The following ADK variants were observed in gnomAD, a reference collection of about 807,000 sequenced individuals.
The protein encoded by ADK is adenosine kinase.
A neutral mutation model predicts 44.7 loss-of-function variants in ADK; 24 were observed. The ratio of observed to expected loss-of-function variants is 0.54; its 90% confidence interval spans 0.39 to 0.76. The LOEUF (loss-of-function observed/expected upper bound fraction) is 0.76, where lower values mean the gene tolerates loss of function less well. Among genes scored for constraint, ADK ranks in the 30% least tolerant of loss-of-function variants. The pLI is 0.00. For synonymous variants in ADK, 128 were observed against 142.6 expected, an observed-to-expected ratio of 0.90 and a Z score of 0.73; for missense variants, 321 against 425.1, an observed-to-expected ratio of 0.76 and a Z score of 2.15.
intron 9 of ADK, among the ~76,000 whole-genome samples, chr10:74,638,438 A>AATC (rs1273598494): frequency 6.6e-6 from 1 of 152,072 alleles, no homozygotes; most frequent in Non-Finnish European, 1.5e-5. Flanking sequence ...AAGGCTGGAG[A>AATC]ATCACTTGAG....
chr10:74,574,316 G>A (rs1037501394), intron 7 of ADK, among the ~76,000 whole-genome samples: 6 of 151,630 alleles, frequency 4.0e-5, no homozygotes, highest in African/African-American at 4.8e-5. Flanking sequence ...GACTACAGGC[G>A]CATGCCACCA....
intron 6 of ADK, among the ~76,000 whole-genome samples, chr10:74,512,605 T>G (rs535402927): frequency 6.6e-6 from 1 of 152,058 alleles, no homozygotes; most frequent in South Asian, 2.1e-4. Context: ...TTTGTATTTC[T>G]GTAGTATCTT....
intron 6 of ADK, among the ~76,000 whole-genome samples, chr10:74,437,691 C>T (rs1845233536): frequency 6.6e-6 from 1 of 152,186 alleles, no homozygotes. Flanking sequence ...AACCATTCTC[C>T]ACAGAATAGC....
chr10:74,655,700 GC>G (rs1394715192), intron 9 of ADK: 2 of 478,346 alleles, frequency 4.2e-6, no homozygotes, highest in South Asian at 3.4e-5. Context: ...TGGCAGAGCT[GC>G]CCAGGGAGCT....
chr10:74,209,790 C>T (rs975846862), intron 2 of ADK, among the ~76,000 whole-genome samples: 8 of 151,970 alleles, frequency 5.3e-5, no homozygotes. Context: ...AGAATCTTTT[C>T]TAGTAAACTG....
chr10:74,455,307 C>A (rs1845906250), intron 6 of ADK, among the ~76,000 whole-genome samples: 1 of 151,884 alleles, frequency 6.6e-6, no homozygotes, highest in Non-Finnish European at 1.5e-5. Flanking sequence ...AGTTCAAGAC[C>A]AGCTTGGGCA....
chr10:74,235,037 C>T (rs1345440900), intron 3 of ADK, among the ~76,000 whole-genome samples: 2 of 151,658 alleles, frequency 1.3e-5, no homozygotes, highest in Non-Finnish European at 2.9e-5. Context: ...GGTGTGATTT[C>T]TAGGTCTGTA....
chr10:74,611,125 G>A (rs1462510678), intron 9 of ADK, among the ~76,000 whole-genome samples: 2 of 152,054 alleles, frequency 1.3e-5, no homozygotes, highest in East Asian at 3.9e-4. Context: ...CCGGGCTCAA[G>A]CGATCCTCCC....
chr10:74,305,034 A>G (rs985632800), intron 3 of ADK, among the ~76,000 whole-genome samples: 1 of 152,228 alleles, frequency 6.6e-6, no homozygotes, highest in African/African-American at 2.4e-5. Context: ...GTATTTGTAT[A>G]TAACATATGC....
In ADK at chr10:74,269,670, G is replaced by A. The variant is rs375778828; in HGVS notation, c.195-44997G>A. On this transcript the variant is annotated intron_variant, in intron 3 of 10. Transcript: ENST00000539909. ...AATGTGCCAGGTATGGTGGCTCACT[G>A]TAATCCCAGCACTTTGGGAGGCCAA... Among the ~76,000 whole-genome samples the A allele has an allele frequency of 2.3e-4, 35 of 152,270 alleles. 1 individual carries two copies. The highest frequency in any genetic ancestry group is 6.8e-3 in the Middle Eastern group (2 of 292).
chr10:74,314,872 A>G (rs569689552), intron 4 of ADK, 127 bp downstream of exon 4: 1 of 739,024 alleles, frequency 1.4e-6, no homozygotes, highest in South Asian at 1.5e-5. Flanking sequence ...TTGGGATTTT[A>G]GTAGTCATTG....
chr10:74,457,364 G>C (rs921854449), intron 6 of ADK, among the ~76,000 whole-genome samples: 1 of 152,150 alleles, frequency 6.6e-6, no homozygotes. Flanking sequence ...AAAAAGCCCA[G>C]GACCAGATGG....
rs530276197 is a variant in ADK at position 74,602,708 on chromosome 10, T to C, written c.877+2215T>C. The stretch of plus-strand genomic sequence containing the variant: ...GATGCACTATATCTGCAATGCATGA[T>C]AAATACAAGATGGATAGAGAATCTG... On this transcript the variant is annotated intron_variant, in intron 9 of 10. Transcript: ENST00000539909. Among the ~76,000 whole-genome samples the C allele has an allele frequency of 1.6e-4, 25 of 152,304 alleles. No homozygotes were observed. The South Asian group carries it at 4.8e-3, about 29-fold the overall frequency.
At chr10:74,416,590 G>T (rs571078745) in intron 6 of ADK, among the ~76,000 whole-genome samples, 130 of 147,274 alleles carry the variant, frequency 8.8e-4, no homozygotes, top group Non-Finnish European at 1.5e-3. Flanking sequence ...TGTCAATTGT[G>T]GTAAGTCCAT....
chr10:74,675,505 A>G (rs969010669), intron 10 of ADK, among the ~76,000 whole-genome samples: 2 of 152,184 alleles, frequency 1.3e-5, no homozygotes, highest in Non-Finnish European at 2.9e-5. Context: ...GATAGAACTA[A>G]TCTTTTCACA....
chr10:74,424,535 CAAAAAAAAAAAAAAAAAAA>C lies in ADK; in HGVS notation c.555+25971_555+25989del, dbSNP rs57106986. 8.6e-5 allele frequency among the ~76,000 whole-genome samples: 5 copies of C among 58,460 alleles called. 1 individual carries two copies. The highest frequency in any genetic ancestry group is 2.2e-4 in the African/African-American group (3 of 13,718). The allele number at this position is 58,460 out of a possible 152,430, so 38.4% of individuals were successfully genotyped here. On this transcript the variant is annotated intron_variant, in intron 6 of 10. Coordinates refer to ENST00000539909, the MANE Select transcript of ADK (RefSeq NM_006721.4). ...GGGCAACAAGAGCAAAACTCCGTCT[CAAAAAAAAAAAAAAAAAAA>C]AAAAAAAAAAAAAATTCCCCTGCCT...
chr10:74,379,738 C>G (rs1293115315), intron 4 of ADK, among the ~76,000 whole-genome samples: 1 of 152,148 alleles, frequency 6.6e-6, no homozygotes, highest in Non-Finnish European at 1.5e-5. Context: ...GTCCTTTTGT[C>G]TATTTAAAAT....
chr10:74,683,257 C>G (rs1855678006), intron 10 of ADK, among the ~76,000 whole-genome samples: 1 of 152,150 alleles, frequency 6.6e-6, no homozygotes, highest in African/African-American at 2.4e-5. Context: ...TTTGGTAGAG[C>G]TATACCCACT....
intron 4 of ADK, among the ~76,000 whole-genome samples, chr10:74,375,931 A>G (rs990399363): frequency 5.3e-5 from 8 of 151,364 alleles, no homozygotes; most frequent in Non-Finnish European, 1.0e-4. Context: ...TGTTGTTTTT[A>G]CACTTTTGGT....
Sources: allele counts gnomAD v4.1 joint callset (sites outside exome capture counted in the v4.1 genomes callset), GRCh38; gene constraint gnomAD v4.1.1; transcripts MANE v1.5; gene names NCBI Gene and HGNC (gene_info 2026-07-23, HGNC 2026-07-21).